The following GADL1 variants were observed in gnomAD, a reference collection of about 807,000 sequenced individuals.
The protein encoded by GADL1 is GAD like acidic amino acid decarboxylase 1, also known as acidic amino acid decarboxylase GADL1.
Under a neutral mutation model 69.5 loss-of-function variants are expected in GADL1, and 71 were observed. That is an observed-to-expected ratio of 1.02 (90% CI 0.84 to 1.25). The LOEUF is 1.25. Among genes scored for constraint, GADL1 ranks in the 50% most tolerant of loss-of-function variants. The pLI, the probability that GADL1 is intolerant of heterozygous loss-of-function variation, is 0.00. For missense variants in GADL1, 737 were observed against 631.8 expected, an observed-to-expected ratio of 1.17 and a Z score of -1.79; for synonymous variants, 254 against 214.4, an observed-to-expected ratio of 1.18 and a Z score of -1.62.
chr3:30,764,110 TTATA>T (rs971932489), intron 14 of GADL1, among the ~76,000 whole-genome samples: 1 of 152,018 alleles, frequency 6.6e-6, no homozygotes, highest in African/African-American at 2.4e-5. Context: ...CAAATGTACA[TTATA>T]TATACTTATG....
intron 14 of GADL1, among the ~76,000 whole-genome samples, chr3:30,777,514 G>A (rs1043257851): frequency 1.3e-5 from 2 of 152,172 alleles, no homozygotes; most frequent in Non-Finnish European, 2.9e-5. Context: ...TGTTACTCAC[G>A]AGACTCCATA....
chr3:30,748,062 A>G (rs1032058420), intron 14 of GADL1, among the ~76,000 whole-genome samples: 2 of 152,236 alleles, frequency 1.3e-5, no homozygotes, highest in African/African-American at 4.8e-5. Flanking sequence ...CTCAACAGTG[A>G]TGAAAAGTCC....
chr3:30,868,970 G>A (rs10514684), intron 1 of GADL1, among the ~76,000 whole-genome samples: 1,924 of 151,800 alleles, frequency 0.013, 156 homozygotes, highest in Admixed American at 0.12. Context: ...AGAGAATCCC[G>A]TAGGCCGGTC....
intron 14 of GADL1, among the ~76,000 whole-genome samples, chr3:30,770,367 G>T (rs78855497): frequency 6.6e-6 from 1 of 152,184 alleles, no homozygotes; most frequent in East Asian, 1.9e-4. Context: ...TACACGAACA[G>T]ACGCTAAAGA....
intron 11 of GADL1, among the ~76,000 whole-genome samples, chr3:30,804,364 A>G (rs1697217318): frequency 6.6e-6 from 1 of 152,168 alleles, no homozygotes; most frequent in African/African-American, 2.4e-5. Context: ...ACAAAGAGAC[A>G]ACTTCTGCTG....
Position 30,778,164 on chromosome 3 carries a change from T to C in GADL1, c.1392+15A>G. 1 of 1,331,906 alleles carries C rather than the reference T, an allele frequency of 7.5e-7. No homozygotes were observed. Among genetic ancestry groups the C allele is most frequent in the Non-Finnish European group, 1.0e-6 (1 of 985,720 alleles). 82.5% of individuals were successfully genotyped at this position (1,331,906 alleles called of 1,614,324 possible). The stretch of plus-strand genomic sequence containing the variant: ...ACTTCATCAAAAAGAAAAATACCAT[T>C]TACTTATTACTTACCAAATTAAGTT... On this transcript the variant is annotated intron_variant, in intron 14 of 14. Coordinates refer to ENST00000282538, the MANE Select transcript of GADL1 (RefSeq NM_207359.3).
intron 1 of GADL1, among the ~76,000 whole-genome samples, chr3:30,863,477 A>G (rs1575239579): frequency 6.6e-6 from 1 of 152,024 alleles, no homozygotes; most frequent in Non-Finnish European, 1.5e-5. Flanking sequence ...TACCCAAAAT[A>G]GCCCTCCACA....
intron 13 of GADL1, among the ~76,000 whole-genome samples, chr3:30,783,928 T>A (rs1696731642): frequency 6.6e-6 from 1 of 152,194 alleles, no homozygotes; most frequent in Non-Finnish European, 1.5e-5. Context: ...TCTCATCACT[T>A]CCAGCTCTGT....
chr3:30,891,064 T>C (rs1296309736), intron 1 of GADL1, among the ~76,000 whole-genome samples: 4 of 138,488 alleles, frequency 2.9e-5, no homozygotes, highest in Non-Finnish European at 6.3e-5. Flanking sequence ...TTCCTTCCTG[T>C]GGTTACCAAC....
rs535127489 is a variant in GADL1, at chr3:30,862,525, A to G, written c.38-760T>C. 2.6e-5 allele frequency among the ~76,000 whole-genome samples: 4 copies of G among 152,154 alleles called. No homozygotes were observed. In the South Asian group the frequency reaches 8.3e-4, roughly 32 times the overall value. Reference sequence around the variant, plus strand: ...TGTACAAAGTCCTTTAGCATTTCTGAGCCCTAGGATGAAGCTTTGGGCAGA... The same window carrying G: ...TGTACAAAGTCCTTTAGCATTTCTGGGCCCTAGGATGAAGCTTTGGGCAGA... On this transcript the variant is annotated intron_variant, in intron 1 of 14. Transcript: ENST00000282538.
intron 14 of GADL1, among the ~76,000 whole-genome samples, chr3:30,735,421 A>T (rs1695528138): frequency 6.6e-6 from 1 of 152,210 alleles, no homozygotes; most frequent in Admixed American, 6.5e-5. Flanking sequence ...TGGATAAACA[A>T]AACTGTGGTA....
chr3:30,837,402 T>C (rs999065027), intron 9 of GADL1, among the ~76,000 whole-genome samples: 2 of 152,134 alleles, frequency 1.3e-5, no homozygotes, highest in African/African-American at 4.8e-5. Context: ...TCTAATACTA[T>C]AGGCATTTGC....
At chr3:30,872,748 T>G (rs1480787683) in intron 1 of GADL1, among the ~76,000 whole-genome samples, 1 of 151,932 alleles carries the variant, frequency 6.6e-6, no homozygotes, top group East Asian at 1.9e-4. Flanking sequence ...GTGAGCTTTC[T>G]AAGATACTCT....
At chr3:30,775,603 T>C (rs1375286486) in intron 14 of GADL1, among the ~76,000 whole-genome samples, 3 of 152,050 alleles carry the variant, frequency 2.0e-5, no homozygotes, top group African/African-American at 7.3e-5. Flanking sequence ...CTATAACAAA[T>C]GAAGTTGTTA....
chr3:30,891,659 A>T (rs566780367), intron 1 of GADL1, among the ~76,000 whole-genome samples: 11 of 152,260 alleles, frequency 7.2e-5, no homozygotes, highest in Admixed American at 1.3e-4. Flanking sequence ...AATAAAAAAA[A>T]AAATAAAAAG....
intron 1 of GADL1, among the ~76,000 whole-genome samples, chr3:30,894,164 C>G (rs1179762372): frequency 6.6e-6 from 1 of 152,090 alleles, no homozygotes; most frequent in Non-Finnish European, 1.5e-5. Context: ...CTCTTTTAAC[C>G]CCTGTTTATA....
chr3:30,793,719 C>A (rs1173976418), intron 12 of GADL1, among the ~76,000 whole-genome samples: 1 of 152,172 alleles, frequency 6.6e-6, no homozygotes, highest in African/African-American at 2.4e-5. Context: ...AAATCTCCCC[C>A]TTTGTTTTTA....
chr3:30,830,085 C>T (rs1281778162), intron 11 of GADL1, among the ~76,000 whole-genome samples: 1 of 151,776 alleles, frequency 6.6e-6, no homozygotes. Context: ...AAATATGGCA[C>T]CTTGGAGGTC....
chr3:30,824,174 G>T (rs1697642033), intron 11 of GADL1, among the ~76,000 whole-genome samples: 1 of 151,506 alleles, frequency 6.6e-6, no homozygotes, highest in Non-Finnish European at 1.5e-5. Context: ...TATTTTTAAA[G>T]CTTGAAAATT....
Sources: gnomAD v4.1 joint callset for allele counts (sites outside exome capture counted in the v4.1 genomes callset) on GRCh38, gnomAD v4.1.1 for gene constraint, MANE v1.5 for transcripts, NCBI Gene and HGNC (gene_info 2026-07-23, HGNC 2026-07-21) for gene names.